MYO3B: variants seen among roughly 807,000 people sequenced by gnomAD.
MYO3B encodes the protein myosin-IIIb.
A neutral mutation model predicts 174.6 loss-of-function variants in MYO3B; 156 were observed. The observed-to-expected ratio is 0.89, with a 90% confidence interval of 0.78 to 1.02. The LOEUF is 1.02. MYO3B is among the 50% of genes least tolerant of loss of function. The probability of loss-of-function intolerance (pLI) is 0.00; values close to 1 mark genes in which losing one functional copy is unlikely to be tolerated. For synonymous variants in MYO3B, 563 were observed against 569.1 expected, an observed-to-expected ratio of 0.99 and a Z score of 0.15; for missense variants, 1,632 against 1,639.4, an observed-to-expected ratio of 1.00 and a Z score of 0.08.
intron 8 of MYO3B, among the ~76,000 whole-genome samples, chr2:170,362,834 A>T (rs2094171780): frequency 6.6e-6 from 1 of 152,212 alleles, no homozygotes; most frequent in African/African-American, 2.4e-5. Flanking sequence ...TCACAGAAAT[A>T]CCATACACAG....
intron 32 of MYO3B, among the ~76,000 whole-genome samples, chr2:170,649,124 G>GTATATTATATATAAAATAATATATAATA (rs1258710116): frequency 5.0e-5 from 1 of 20,008 alleles, no homozygotes; most frequent in Non-Finnish European, 7.8e-5. Context: ...AATATATAAT[G>GTATATTATATATAAAATAATATATAATA]TATATAAAAT....
At chr2:170,198,203 C>T (rs1306251504) in intron 1 of MYO3B, among the ~76,000 whole-genome samples, 2 of 150,982 alleles carry the variant, frequency 1.3e-5, no homozygotes, top group South Asian at 2.1e-4. Context: ...TCATTGCTAA[C>T]GTCAAGGCCC....
chr2:170,544,477 G>T (rs1690344246), intron 32 of MYO3B, among the ~76,000 whole-genome samples: 1 of 152,124 alleles, frequency 6.6e-6, no homozygotes, highest in African/African-American at 2.4e-5. Flanking sequence ...GTCAGTTTCA[G>T]GTTTGCATGC....
intron 32 of MYO3B, among the ~76,000 whole-genome samples, chr2:170,620,468 T>C (rs1323015360): frequency 6.6e-6 from 1 of 152,218 alleles, no homozygotes; most frequent in Non-Finnish European, 1.5e-5. Flanking sequence ...AATTGTACTT[T>C]TGTCAAGAAC....
intron 8 of MYO3B, among the ~76,000 whole-genome samples, chr2:170,357,188 T>C (rs146587707): frequency 0.034 from 5,172 of 151,832 alleles, 103 homozygotes; most frequent in African/African-American, 0.055. Context: ...TCACCTATAA[T>C]CTCAGCTACT....
At position 170,543,070 on chromosome 2, in the gene MYO3B, A is replaced by C. The variant is rs1233302747; in HGVS notation, c.3636+104A>C. The C allele has an allele frequency of 3.6e-6, 3 of 841,874 alleles. No individual in the cohort carries two copies. In the African/African-American group the frequency reaches 5.2e-5, roughly 14 times the overall value. The allele number at this position is 841,874 out of a possible 1,614,324, so 52.2% of individuals were successfully genotyped here. On this transcript the variant is annotated intron_variant, in intron 31 of 34. Coordinates refer to ENST00000408978, the MANE Select transcript of MYO3B (RefSeq NM_138995.5). ...CTGCGGCTGCGTGGTTGGACCATCC[A>C]AACTTGAAACTGTTAGTGATATTTT...
At chr2:170,305,769 T>G (rs1409306926) in intron 7 of MYO3B, among the ~76,000 whole-genome samples, 3 of 152,106 alleles carry the variant, frequency 2.0e-5, no homozygotes, top group African/African-American at 7.2e-5. Context: ...TCTATTACTT[T>G]TCGAAACAGG....
chr2:170,380,682 A>C, intron 9 of MYO3B, among the ~76,000 whole-genome samples: 1 of 152,220 alleles, frequency 6.6e-6, no homozygotes, highest in East Asian at 1.9e-4. Context: ...ATTATCAAAC[A>C]AGATTTTTAA....
At chr2:170,488,428 T>C (rs1041274097) in intron 25 of MYO3B, among the ~76,000 whole-genome samples, 1 of 152,200 alleles carries the variant, frequency 6.6e-6, no homozygotes, top group Non-Finnish European at 1.5e-5. Context: ...GTGTCAAACC[T>C]GGATCTATAG....
chr2:170,460,744 A>G (rs1461661350), intron 23 of MYO3B, among the ~76,000 whole-genome samples: 1 of 152,238 alleles, frequency 6.6e-6, no homozygotes, highest in East Asian at 1.9e-4. Flanking sequence ...ACGTAGCCTT[A>G]TAACTTTTAG....
chr2:170,249,288 G>T (rs2093226146), intron 7 of MYO3B, among the ~76,000 whole-genome samples: 1 of 152,240 alleles, frequency 6.6e-6, no homozygotes, highest in South Asian at 2.1e-4. Flanking sequence ...ATATAAACGG[G>T]CCTTTCTATT....
At chr2:170,311,743 T>C (rs2093741171) in intron 7 of MYO3B, among the ~76,000 whole-genome samples, 1 of 152,174 alleles carries the variant, frequency 6.6e-6, no homozygotes, top group Non-Finnish European at 1.5e-5. Context: ...GTTTTATTTC[T>C]TATATTTAGG....
At chr2:170,273,856 C>T (rs1193846368) in intron 7 of MYO3B, among the ~76,000 whole-genome samples, 1 of 152,258 alleles carries the variant, frequency 6.6e-6, no homozygotes, top group African/African-American at 2.4e-5. Context: ...AATTCCCTAG[C>T]CCCTGGCTAT....
At chr2:170,529,685 C>T (rs76354767) in intron 30 of MYO3B, among the ~76,000 whole-genome samples, 1 of 152,102 alleles carries the variant, frequency 6.6e-6, no homozygotes, top group Non-Finnish European at 1.5e-5. Context: ...TGAGTTTCTG[C>T]CCAAAAGACC....
chr2:170,538,139 A>G (rs949553338), intron 30 of MYO3B, among the ~76,000 whole-genome samples: 2 of 152,216 alleles, frequency 1.3e-5, no homozygotes, highest in Non-Finnish European at 2.9e-5. Context: ...TACTGATTCT[A>G]ACCCTAAAAT....
intron 25 of MYO3B, among the ~76,000 whole-genome samples, chr2:170,487,529 T>A (rs1686145359): frequency 6.6e-6 from 1 of 152,230 alleles, no homozygotes; most frequent in African/African-American, 2.4e-5. Context: ...AACATGGTTA[T>A]ACCAAAGCCC....
chr2:170,598,286 C>A (rs1694276605), intron 32 of MYO3B, among the ~76,000 whole-genome samples: 1 of 152,202 alleles, frequency 6.6e-6, no homozygotes, highest in Non-Finnish European at 1.5e-5. Context: ...AGCAGCTCTG[C>A]CTGCTTCAGC....
intron 1 of MYO3B, among the ~76,000 whole-genome samples, chr2:170,182,224 C>T (rs889334461): frequency 2.6e-5 from 4 of 152,032 alleles, no homozygotes; most frequent in Non-Finnish European, 5.9e-5. Context: ...TTCTTGCCTA[C>T]ACCAAGACTA....
intron 32 of MYO3B, among the ~76,000 whole-genome samples, chr2:170,598,129 T>A (rs1436203334): frequency 9.2e-5 from 14 of 152,240 alleles, no homozygotes; most frequent in Non-Finnish European, 1.8e-4. Flanking sequence ...GTGCTTTTAA[T>A]TTAAAGCATA....
Sources: allele counts gnomAD v4.1 joint callset (sites outside exome capture counted in the v4.1 genomes callset), GRCh38; gene constraint gnomAD v4.1.1; transcripts MANE v1.5; gene names NCBI Gene and HGNC (gene_info 2026-07-23, HGNC 2026-07-21).